The following PDZD9 variants were observed in gnomAD, a reference collection of about 807,000 sequenced individuals.
PDZD9 encodes PDZ domain-containing protein 9.
In PDZD9, 13 loss-of-function variants were observed where a neutral mutation model predicts 16.3. That is an observed-to-expected ratio of 0.80 (90% CI 0.52 to 1.27). PDZD9 has a LOEUF of 1.27. Among genes scored for constraint, PDZD9 ranks in the 50% most tolerant of loss-of-function variants. The pLI, the probability that PDZD9 is intolerant of heterozygous loss-of-function variation, is 0.00. For missense variants in PDZD9, 288 were observed against 310.9 expected (o/e 0.93, Z 0.55); for synonymous variants, 120 against 111.0 (o/e 1.08, Z -0.51).
chr16:21,962,600 G>A, the PDZD9 span: 18 of 1,598,124 alleles, frequency 1.1e-5, no homozygotes, highest in Non-Finnish European at 1.5e-5. Flanking sequence ...GCGTCATTAT[G>A]ACCTCTGACT....
chr16:21,966,428 G>T, the PDZD9 span, among the ~76,000 whole-genome samples: 2 of 151,980 alleles, frequency 1.3e-5, no homozygotes, highest in African/African-American at 2.4e-5. Context: ...AGATATGTGC[G>T]TATAATCTTA....
the PDZD9 span, among the ~76,000 whole-genome samples, chr16:21,968,290 C>T: frequency 6.6e-6 from 1 of 152,170 alleles, no homozygotes; most frequent in Admixed American, 6.5e-5. Flanking sequence ...ACATGAGCTA[C>T]TGCACCCAGC....
At chr16:21,978,672 T>A in the PDZD9 span, among the ~76,000 whole-genome samples, 4 of 152,182 alleles carry the variant, frequency 2.6e-5, no homozygotes, top group Non-Finnish European at 5.9e-5. Flanking sequence ...TCAGTATAAT[T>A]TCGTACTGAC....
chr16:21,978,508 G>A, the PDZD9 span, among the ~76,000 whole-genome samples: 5 of 152,108 alleles, frequency 3.3e-5, no homozygotes, highest in Admixed American at 2.6e-4. Flanking sequence ...GACCTGTACT[G>A]CCCTTCCCCA....
In PDZD9 at chr16:22,001,019, T is replaced by C; in HGVS notation, c.29A>G (p.Lys10Arg). The stretch of plus-strand genomic sequence containing the variant: ...CCCGCTTCCTTCTCCCCAGTTACCT[T>C]TTTTGTTTTTGTGGGAGGCCTTCTG... MQKASHKNK[K>R]ERGVSNKVKT... is the part of the protein sequence containing the mutation. The change falls in exon 1 of 4, where the codon AAA (lysine) becomes AGA (arginine). Residue 10 changes from lysine (K) to arginine (R), a missense_variant and splice_region_variant. Lys to Arg is a conservative substitution (Grantham distance 26). Transcript: ENST00000424898. The C allele has an allele frequency of 2.0e-6, 3 of 1,532,560 alleles. No homozygotes were observed. The highest frequency in any genetic ancestry group is 2.6e-6 in the Non-Finnish European group (3 of 1,145,456). 94.9% of individuals were successfully genotyped at this position (1,532,560 alleles called of 1,614,324 possible).
At chr16:21,963,021 C>T in the PDZD9 span, 143 of 1,173,368 alleles carry the variant, frequency 1.2e-4, no homozygotes, top group African/African-American at 2.3e-4. Context: ...CAGAGTCTCA[C>T]TCTGTCACCC....
the PDZD9 span, chr16:21,968,781 A>C: frequency 2.7e-6 from 3 of 1,105,028 alleles, no homozygotes; most frequent in South Asian, 6.0e-5. Context: ...AAAATTTGAA[A>C]ACTTCGGCCT....
the PDZD9 span, among the ~76,000 whole-genome samples, chr16:21,964,161 G>A: frequency 6.6e-6 from 1 of 152,186 alleles, no homozygotes; most frequent in East Asian, 1.9e-4. Flanking sequence ...GATGATGCTT[G>A]GTGTCACAGA....
intron 1 of PDZD9, chr16:21,998,373 AG>A (rs1191928159): frequency 4.8e-6 from 1 of 210,384 alleles, no homozygotes; most frequent in African/African-American, 2.3e-5. Context: ...CGGGAAGGCA[AG>A]AAACACAAGT....
chr16:21,975,352 C>T, the PDZD9 span, among the ~76,000 whole-genome samples: 2 of 152,064 alleles, frequency 1.3e-5, no homozygotes, highest in East Asian at 1.9e-4. Context: ...AGACTGAGGT[C>T]GGGGTCTTAG....
At chr16:21,988,188 C>G (rs1898929285) in intron 3 of PDZD9, among the ~76,000 whole-genome samples, 1 of 151,592 alleles carries the variant, frequency 6.6e-6, no homozygotes. Flanking sequence ...TTGTAATTTA[C>G]TAGTAGAGAC....
the PDZD9 span, chr16:21,965,297 T>C: frequency 1.1e-6 from 1 of 885,582 alleles, no homozygotes; most frequent in Non-Finnish European, 1.8e-6. Context: ...TCTTAACATA[T>C]GAATGCCAGA....
the PDZD9 span, chr16:21,959,337 A>G: frequency 4.0e-6 from 1 of 249,172 alleles, no homozygotes; most frequent in East Asian, 1.4e-4. Context: ...TCATTTCGAC[A>G]GTGTTCACAG....
chr16:21,988,932 T>A, intron 2 of PDZD9, 141 bp from the exon 3 acceptor site: 1 of 545,668 alleles, frequency 1.8e-6, no homozygotes, highest in Non-Finnish European at 2.8e-6. Context: ...TTCAGCCTTT[T>A]TTTTTTTTTT....
chr16:21,985,990 G>A (rs1221452970), intron 3 of PDZD9, among the ~76,000 whole-genome samples: 1 of 151,840 alleles, frequency 6.6e-6, no homozygotes, highest in Non-Finnish European at 1.5e-5. Context: ...GACTGCAGGG[G>A]GAATCCTTGG....
At chr16:21,971,748 G>A in the PDZD9 span, 3 of 1,319,678 alleles carry the variant, frequency 2.3e-6, no homozygotes, top group South Asian at 2.6e-5. Flanking sequence ...GATGGCTTGG[G>A]TGTTGTATTT....
the PDZD9 span, among the ~76,000 whole-genome samples, chr16:21,964,037 C>T: frequency 2.6e-5 from 4 of 152,066 alleles, no homozygotes; most frequent in Admixed American, 2.6e-4. Context: ...GGGAGTCATA[C>T]AACTTCTGGT....
At chr16:22,000,512 T>G (rs1597986198) in intron 1 of PDZD9, among the ~76,000 whole-genome samples, 1 of 152,098 alleles carries the variant, frequency 6.6e-6, no homozygotes, top group Non-Finnish European at 1.5e-5. Context: ...GGGTATAGCT[T>G]GTCAAAACGG....
chr16:21,963,576 ACCT>A, the PDZD9 span, among the ~76,000 whole-genome samples: 1 of 151,538 alleles, frequency 6.6e-6, no homozygotes, highest in African/African-American at 2.4e-5. Flanking sequence ...TGATCCTCCT[ACCT>A]CAGCCTCCTG....
Sources: allele counts gnomAD v4.1 joint callset (sites outside exome capture counted in the v4.1 genomes callset), GRCh38; gene constraint gnomAD v4.1.1; transcripts MANE v1.5; gene names NCBI Gene and HGNC (gene_info 2026-07-23, HGNC 2026-07-21).